The following ENDOV variants were observed in gnomAD, a reference collection of about 807,000 sequenced individuals.
The protein encoded by ENDOV is endonuclease V, also known as hEndoV.
ENDOV carries 37 observed loss-of-function variants against 39.4 expected under a neutral mutation model. The observed-to-expected ratio is 0.94, with a 90% CI of 0.72 to 1.23. The LOEUF is 1.23. ENDOV is among the 50% of genes most tolerant of loss of function. The probability of loss-of-function intolerance (pLI) is 0.00; values close to 1 mark genes in which losing one functional copy is unlikely to be tolerated. For synonymous variants in ENDOV, 186 were observed against 163.4 expected (o/e 1.14, Z -1.05); for missense variants, 441 against 375.7 (o/e 1.17, Z -1.44).
At chr17:80,422,333 G>T in intron 4 of ENDOV, 88 bp downstream of exon 4, 1 of 1,513,866 alleles carries the variant, frequency 6.6e-7, no homozygotes, top group African/African-American at 1.4e-5. Flanking sequence ...AGAAAATGCT[G>T]GGCCCTCGGC....
intron 7 of ENDOV, chr17:80,427,372 C>T (rs903540805): frequency 9.4e-6 from 9 of 961,388 alleles, no homozygotes; most frequent in Admixed American, 1.2e-4. Context: ...TCTGCCTCAG[C>T]GCGCCCCAGA....
Position 80,430,037 on chromosome 17 carries a change from G to T in ENDOV, c.838+206G>T, listed in dbSNP as rs760809121. 11 of 1,535,628 alleles carry T rather than the reference G, an allele frequency of 7.2e-6. No homozygotes were observed. In the East Asian group the frequency reaches 7.3e-5, roughly 10 times the overall value. The stretch of plus-strand genomic sequence containing the variant: ...GACTTAGGGGAACCTCATCTCAGCC[G>T]CAGGTGGAGCACCCAGTCCCCAAAG... On this transcript the variant is annotated intron_variant, in intron 9 of 9. Coordinates refer to ENST00000518137, the MANE Select transcript of ENDOV (RefSeq NM_173627.5).
intron 9 of ENDOV, among the ~76,000 whole-genome samples, chr17:80,434,243 G>C (rs574668011): frequency 3.9e-5 from 6 of 152,304 alleles, no homozygotes; most frequent in South Asian, 4.1e-4. Flanking sequence ...TTGGCATAAT[G>C]TTTTCAAGAT....
At chr17:80,424,167 A>C (rs959509122) in intron 5 of ENDOV, 1 of 399,458 alleles carries the variant, frequency 2.5e-6, no homozygotes, top group African/African-American at 2.1e-5. Context: ...GGAGCTGTTG[A>C]CACCCCCAGC....
intron 9 of ENDOV, 129 bp downstream of exon 9, chr17:80,429,960 G>T: frequency 6.4e-7 from 1 of 1,562,122 alleles, no homozygotes; most frequent in Non-Finnish European, 8.6e-7. Context: ...GAAGGCCACC[G>T]GCCACCCCGT....
chr17:80,425,012 T>C lies in ENDOV; in HGVS notation c.517-20T>C. 1 of 1,606,468 alleles carries C rather than the reference T, an allele frequency of 6.2e-7. No homozygotes were observed. Among genetic ancestry groups the C allele is most frequent in the Non-Finnish European group, 8.5e-7 (1 of 1,175,284 alleles). ...AAGAAGAGAGGGGTTTTTTTCCCCATTTTTCCCTCCATTTTCCAGATCCGA... is the reference window on the plus strand; with the variant it reads ...AAGAAGAGAGGGGTTTTTTTCCCCACTTTTCCCTCCATTTTCCAGATCCGA... On this transcript the variant is annotated intron_variant, in intron 5 of 9. Transcript: ENST00000518137.
intron 2 of ENDOV, 109 bp from the exon 3 acceptor site, chr17:80,421,719 G>A (rs941339016): frequency 2.6e-5 from 36 of 1,396,630 alleles, no homozygotes; most frequent in Non-Finnish European, 3.5e-5. Context: ...GAGCCATGAG[G>A]GTGACGTAAG....
chr17:80,436,361 G>T lies in ENDOV; in HGVS notation c.*218G>T. 1 of 1,498,240 alleles carries T rather than the reference G, an allele frequency of 6.7e-7. No individual in the cohort carries two copies. Among genetic ancestry groups the T allele is most frequent in the African/African-American group, 1.4e-5 (1 of 72,984 alleles). 92.8% of individuals were successfully genotyped at this position (1,498,240 alleles called of 1,614,324 possible). A position where few individuals can be genotyped will look rare whatever the true frequency, so the allele number is the denominator to read the frequency against. On this transcript the variant is annotated 3_prime_UTR_variant, in exon 10 of 10. Transcript: ENST00000518137. ...GTCCTTGTCTTGTTCCTGATCTTAA[G>T]GGAACGTTTGCAGTCTTTCACCACT...
At chr17:80,423,346 CAG>C (rs775024138) in intron 4 of ENDOV, among the ~76,000 whole-genome samples, 172 bp from the exon 5 acceptor site, 14 of 152,254 alleles carry the variant, frequency 9.2e-5, no homozygotes, top group Non-Finnish European at 1.9e-4. Flanking sequence ...ACATCGGGCA[CAG>C]GGGGCTTTCG....
At chr17:80,428,781 C>G (rs2083045825) in intron 8 of ENDOV, 121 bp downstream of exon 8, 1 of 956,864 alleles carries the variant, frequency 1.0e-6, no homozygotes, top group African/African-American at 1.6e-5. Flanking sequence ...CAGTGCAGGG[C>G]CAGGGAAGGC....
chr17:80,427,783 G>A (rs1022118296), intron 7 of ENDOV: 24 of 1,289,078 alleles, frequency 1.9e-5, no homozygotes, highest in East Asian at 5.5e-5. Flanking sequence ...GGTCACAGGC[G>A]CTGCGGCGCT....
intron 9 of ENDOV, among the ~76,000 whole-genome samples, chr17:80,431,309 G>T (rs552965843): frequency 6.6e-6 from 1 of 152,204 alleles, no homozygotes; most frequent in South Asian, 2.1e-4. Flanking sequence ...GCGCTCACTC[G>T]AAAGCTGCTT....
At chr17:80,427,712 CG>C in intron 7 of ENDOV, 1 of 1,288,464 alleles carries the variant, frequency 7.8e-7, no homozygotes, top group South Asian at 1.2e-5. Flanking sequence ...AGAGCACAGA[CG>C]GGGTTAGTGT....
At chr17:80,422,291 C>G (rs9907097) in intron 4 of ENDOV, 46 bp downstream of exon 4, 911,332 of 1,604,432 alleles carry the variant, frequency 0.57, 262,009 homozygotes, top group Non-Finnish European at 0.59. Flanking sequence ...TGGGGAAGAG[C>G]GGGGGGAGAG....
At chr17:80,417,623 C>T (rs1278747177) in intron 2 of ENDOV, 1 of 152,170 alleles carries the variant, frequency 6.6e-6, no homozygotes, top group African/African-American at 2.4e-5. Context: ...CCCTAGAGGC[C>T]CCACCTCGTA....
intron 8 of ENDOV, among the ~76,000 whole-genome samples, chr17:80,429,357 C>T (rs2083123143): frequency 1.3e-5 from 2 of 152,242 alleles, no homozygotes; most frequent in Non-Finnish European, 2.9e-5. Context: ...ATTCCAGGCC[C>T]TGCATCTGAG....
intron 1 of ENDOV, 177 bp from the exon 2 acceptor site, chr17:80,415,473 G>C: frequency 2.0e-6 from 2 of 1,022,836 alleles, no homozygotes; most frequent in Non-Finnish European, 2.8e-6. Flanking sequence ...GCCTGCGCTT[G>C]CGCGGGTCTC....
chr17:80,423,372 G>C (rs1046639438), intron 4 of ENDOV, 148 bp from the exon 5 acceptor site: 1 of 755,708 alleles, frequency 1.3e-6, no homozygotes, highest in African/African-American at 1.8e-5. Context: ...AGGTCTGCTT[G>C]GGACTTAGAT....
chr17:80,427,315 GTGC>G, intron 7 of ENDOV: 5 of 574,904 alleles, frequency 8.7e-6, no homozygotes, highest in Non-Finnish European at 8.8e-6. Flanking sequence ...ACTTTAGGTC[GTGC>G]TGCTGCTGCA....
Sources: gnomAD v4.1 joint callset for allele counts (sites outside exome capture counted in the v4.1 genomes callset) on GRCh38, gnomAD v4.1.1 for gene constraint, MANE v1.5 for transcripts, NCBI Gene and HGNC (gene_info 2026-07-23, HGNC 2026-07-21) for gene names.